The following HHAT variants were observed in gnomAD, a reference collection of about 807,000 sequenced individuals.
HHAT encodes hedgehog acyltransferase.
A neutral mutation model predicts 70.8 loss-of-function variants in HHAT; 47 were observed. The ratio of observed to expected loss-of-function variants is 0.66; its 90% CI spans 0.53 to 0.85. The LOEUF is 0.85. Among genes scored for constraint, HHAT ranks in the 40% least tolerant of loss-of-function variants. The pLI, the probability that HHAT is intolerant of heterozygous loss-of-function variation, is 0.00. For synonymous variants in HHAT, 228 were observed against 247.6 expected (o/e 0.92, Z 0.74); for missense variants, 609 against 604.8 (o/e 1.01, Z -0.07).
chr1:210,653,976 A>AC, intron 11 of HHAT, among the ~76,000 whole-genome samples: 1 of 1,752 alleles, frequency 5.7e-4, no homozygotes, highest in Non-Finnish European at 1.1e-3. Flanking sequence ...GAATAGTGTG[A>AC]TGGGAATAGT....
At chr1:210,329,722 A>T (rs1412416851) in intron 1 of HHAT, among the ~76,000 whole-genome samples, 1 of 152,112 alleles carries the variant, frequency 6.6e-6, no homozygotes, top group Non-Finnish European at 1.5e-5. Flanking sequence ...CGTGGGAGTG[A>T]GACATTGCTT....
intron 7 of HHAT, among the ~76,000 whole-genome samples, chr1:210,452,912 A>AT (rs2093783598): frequency 6.6e-6 from 1 of 152,252 alleles, no homozygotes; most frequent in Admixed American, 6.5e-5. Context: ...GCTTTGTGGA[A>AT]TGTACATTAG....
Position 210,375,452 on chromosome 1 carries a change from T to C in HHAT, c.160-12016T>C, listed in dbSNP as rs558463600. On this transcript the variant is annotated intron_variant, in intron 3 of 11. Coordinates refer to ENST00000261458, the MANE Select transcript of HHAT (RefSeq NM_018194.6). Reference sequence around the variant, plus strand: ...CACTCCCACTTTCTTTTGATTCATGTATGTATGCCATATCCTTTTTCATCT... The same window carrying C: ...CACTCCCACTTTCTTTTGATTCATGCATGTATGCCATATCCTTTTTCATCT... 7.2e-5 allele frequency among the ~76,000 whole-genome samples: 11 copies of C among 152,328 alleles called. No individual in the cohort carries two copies. The South Asian group carries it at 8.3e-4, about 11-fold the overall frequency.
chr1:210,465,344 A>G (rs2094077508), intron 8 of HHAT, among the ~76,000 whole-genome samples: 1 of 151,804 alleles, frequency 6.6e-6, no homozygotes, highest in Non-Finnish European at 1.5e-5. Flanking sequence ...GCCATTTCAG[A>G]TTGTTGTTTT....
chr1:210,550,405 A>C (rs557981625), intron 9 of HHAT, among the ~76,000 whole-genome samples: 27 of 149,214 alleles, frequency 1.8e-4, no homozygotes, highest in Non-Finnish European at 2.1e-4. Flanking sequence ...GTCCTTGGGT[A>C]AGTTATTTAA....
intron 11 of HHAT, among the ~76,000 whole-genome samples, chr1:210,658,008 A>G (rs1416734938): frequency 6.6e-6 from 1 of 152,204 alleles, no homozygotes; most frequent in East Asian, 1.9e-4. Context: ...TGGCAGTCTT[A>G]TGAATGGGTA....
intron 10 of HHAT, among the ~76,000 whole-genome samples, chr1:210,598,387 G>A (rs1663500463): frequency 6.6e-6 from 1 of 152,100 alleles, no homozygotes; most frequent in African/African-American, 2.4e-5. Context: ...TTGAAGTTGA[G>A]CAAAGTATGA....
chr1:210,591,616 C>T (rs1211395900), intron 10 of HHAT, among the ~76,000 whole-genome samples: 3 of 152,122 alleles, frequency 2.0e-5, no homozygotes, highest in African/African-American at 7.2e-5. Flanking sequence ...TTTTGAGGAA[C>T]CTGTGAACTG....
At chr1:210,548,761 C>A (rs141734010) in intron 9 of HHAT, among the ~76,000 whole-genome samples, 1 of 152,252 alleles carries the variant, frequency 6.6e-6, no homozygotes, top group East Asian at 1.9e-4. Flanking sequence ...ATATGGAATT[C>A]CTGTTAAGAA....
chr1:210,506,297 G>A (rs2094853080), intron 8 of HHAT, among the ~76,000 whole-genome samples: 1 of 151,222 alleles, frequency 6.6e-6, no homozygotes, highest in African/African-American at 2.4e-5. Context: ...CTGCTGCTGT[G>A]GGAGGGAGCA....
rs568457598 is a variant in HHAT, at chr1:210,539,206, A to G, written c.1043+26018A>G. The stretch of plus-strand genomic sequence containing the variant: ...CAAGGGTTACTTAGGAAGAGAAAAA[A>G]GGTGTAGGACATCTGCCTGGCAATA... On this transcript the variant is annotated intron_variant, in intron 9 of 11. Coordinates refer to ENST00000261458, the MANE Select transcript of HHAT (RefSeq NM_018194.6). Among the ~76,000 whole-genome samples, 80 of 152,360 alleles carry G rather than the reference A, an allele frequency of 5.3e-4. 1 individual carries two copies. The highest frequency in any genetic ancestry group is 9.0e-4 in the Non-Finnish European group (61 of 68,038).
At chr1:210,618,702 C>T (rs1041501950) in intron 10 of HHAT, among the ~76,000 whole-genome samples, 1 of 152,168 alleles carries the variant, frequency 6.6e-6, no homozygotes, top group Admixed American at 6.5e-5. Context: ...TGCCTCCCTT[C>T]CCCATGTATG....
chr1:210,575,440 C>G (rs1416559912), intron 9 of HHAT, among the ~76,000 whole-genome samples: 2 of 151,986 alleles, frequency 1.3e-5, no homozygotes, highest in South Asian at 4.2e-4. Flanking sequence ...CTCCTTTGCC[C>G]AAACCTCCAA....
intron 2 of HHAT, among the ~76,000 whole-genome samples, chr1:210,361,885 C>T (rs934519087): frequency 1.3e-5 from 2 of 152,134 alleles, no homozygotes; most frequent in African/African-American, 4.8e-5. Flanking sequence ...GCACAGACCT[C>T]AGCATCGGCT....
chr1:210,567,820 TGGG>T (rs1286069073), intron 9 of HHAT, among the ~76,000 whole-genome samples: 1 of 152,172 alleles, frequency 6.6e-6, no homozygotes, highest in Non-Finnish European at 1.5e-5. Flanking sequence ...GCCTTATTCT[TGGG>T]GGACAACTAA....
At chr1:210,461,711 T>G (rs1327195221) in intron 7 of HHAT, among the ~76,000 whole-genome samples, 1 of 152,228 alleles carries the variant, frequency 6.6e-6, no homozygotes, top group Non-Finnish European at 1.5e-5. Flanking sequence ...AATTACTATT[T>G]GTAATTTAAT....
At chr1:210,528,989 T>C (rs1452884109) in intron 9 of HHAT, among the ~76,000 whole-genome samples, 1 of 152,278 alleles carries the variant, frequency 6.6e-6, no homozygotes, top group South Asian at 2.1e-4. Flanking sequence ...AGATCAAATT[T>C]TGTTAGAAAA....
chr1:210,584,329 A>G (rs1659948674), intron 9 of HHAT, among the ~76,000 whole-genome samples: 1 of 152,062 alleles, frequency 6.6e-6, no homozygotes, highest in Non-Finnish European at 1.5e-5. Context: ...GTTTTATAAA[A>G]CAGCCATCTG....
intron 8 of HHAT, among the ~76,000 whole-genome samples, chr1:210,497,599 C>T (rs1354870007): frequency 6.6e-6 from 1 of 152,126 alleles, no homozygotes; most frequent in African/African-American, 2.4e-5. Context: ...GTCAGCCCTG[C>T]AGCCACAGGT....
Sources: gnomAD v4.1 joint callset for allele counts (sites outside exome capture counted in the v4.1 genomes callset) on GRCh38, gnomAD v4.1.1 for gene constraint, MANE v1.5 for transcripts, NCBI Gene and HGNC (gene_info 2026-07-23, HGNC 2026-07-21) for gene names.